The following ETV6 variants were observed in gnomAD, a reference collection of about 807,000 sequenced individuals.
ETV6 encodes the protein ETS variant transcription factor 6.
Under a neutral mutation model 51.1 loss-of-function variants are expected in ETV6, and 16 were observed. The observed-to-expected ratio is 0.31, with a 90% CI of 0.21 to 0.48. The LOEUF (loss-of-function observed/expected upper bound fraction) is 0.48. Among genes scored for constraint, ETV6 ranks in the 20% least tolerant of loss-of-function variants. The pLI is 0.99. For synonymous variants in ETV6, 240 were observed against 224.1 expected (o/e 1.07, Z -0.64); for missense variants, 458 against 594.8 (o/e 0.77, Z 2.39).
intron 2 of ETV6, among the ~76,000 whole-genome samples, chr12:11,810,611 C>G (rs1035468171): frequency 2.0e-4 from 31 of 152,168 alleles, no homozygotes; most frequent in African/African-American, 7.0e-4. Flanking sequence ...TTGGCAAAAT[C>G]CAATCTAAAA....
At chr12:11,829,691 G>GA (rs1270299683) in intron 2 of ETV6, among the ~76,000 whole-genome samples, 1 of 152,128 alleles carries the variant, frequency 6.6e-6, no homozygotes. Context: ...AAGTTTATAA[G>GA]AAAAAACATC....
chr12:11,869,565 G>C lies in ETV6; in HGVS notation c.605G>C (p.Arg202Pro), dbSNP rs200351280. 1.2e-6 allele frequency: 2 copies of C among 1,614,058 alleles called. No homozygotes were observed. Among genetic ancestry groups the C allele is most frequent in the Non-Finnish European group, 1.7e-6 (2 of 1,180,006 alleles). ...PSPDPEQRPL[R>P]SPLDNMIRRL... ...CCTGACCCCGAGCAGCGGCCCCTCCGGTCCCCCCTGGACAACATGATCCGC... is the reference window on the plus strand; with the variant it reads ...CCTGACCCCGAGCAGCGGCCCCTCCCGTCCCCCCTGGACAACATGATCCGC... Residue 202 changes from arginine (R) to proline (P), a missense_variant, in exon 5 of 8, where the codon CGG becomes CCG. Transcript: ENST00000396373. The surrounding 1 kb of genome is among the most constrained non-coding windows in gnomAD (Gnocchi z 5.0).
At chr12:11,710,663 T>C (rs968419706) in intron 1 of ETV6, among the ~76,000 whole-genome samples, 1 of 152,222 alleles carries the variant, frequency 6.6e-6, no homozygotes, top group Admixed American at 6.5e-5. Flanking sequence ...GCCTATTGCC[T>C]TGGGGCCCTG....
intron 1 of ETV6, among the ~76,000 whole-genome samples, chr12:11,704,666 A>C (rs1204324669): frequency 3.3e-5 from 5 of 152,172 alleles, no homozygotes; most frequent in Non-Finnish European, 1.5e-5. Context: ...TTCTTTTAAA[A>C]AATAAATTTT....
chr12:11,884,294 C>G, intron 5 of ETV6, 151 bp from the exon 6 acceptor site: 1 of 868,512 alleles, frequency 1.2e-6, no homozygotes, highest in Non-Finnish European at 1.8e-6. Context: ...TCTGGGCCTC[C>G]GTTTCTTCCC....
intron 1 of ETV6, among the ~76,000 whole-genome samples, chr12:11,651,764 A>G (rs1863911047): frequency 6.6e-6 from 1 of 152,242 alleles, no homozygotes; most frequent in African/African-American, 2.4e-5. Context: ...CAATAAATAA[A>G]TTGTATTTGG....
intron 1 of ETV6, among the ~76,000 whole-genome samples, chr12:11,727,526 A>G (rs1180149486): frequency 2.0e-5 from 3 of 152,208 alleles, no homozygotes; most frequent in African/African-American, 7.2e-5. Flanking sequence ...TAATCATCCT[A>G]AAGAAAGACT....
rs1364992562 is a variant in ETV6 at position 11,874,025 on chromosome 12, A to G, written c.1009+4056A>G. 6.3e-5 allele frequency among the ~76,000 whole-genome samples: 7 copies of G among 111,944 alleles called. 2 individuals are homozygous for G. The highest frequency in any genetic ancestry group is 2.4e-4 in the African/African-American group (7 of 28,900). 73.4% of individuals were successfully genotyped at this position (111,944 alleles called of 152,430 possible). A position where few individuals can be genotyped will look rare whatever the true frequency, so the allele number is the denominator to read the frequency against. On this transcript the variant is annotated intron_variant, in intron 5 of 7. Transcript: ENST00000396373. ...AGATAAGGCTCGGTGTATTTTTTCT[A>G]TTTCAGGTAGAAATGTAAATCTACA...
At chr12:11,684,436 G>A (rs1032697027) in intron 1 of ETV6, among the ~76,000 whole-genome samples, 10 of 152,100 alleles carry the variant, frequency 6.6e-5, no homozygotes, top group Non-Finnish European at 1.5e-5. Context: ...TTAAATAGAT[G>A]GAATATTACC....
rs1250315227 is a variant in ETV6, at chr12:11,848,613, T to C, written c.329-4814T>C. On this transcript the variant is annotated intron_variant, in intron 3 of 7. Coordinates refer to ENST00000396373, the MANE Select transcript of ETV6 (RefSeq NM_001987.5). ...ACTGTGTTTTGTTTCTGTGTGTGCG[T>C]GTGTGTGCGCACGCGCGTGTGCATG... is the stretch of plus-strand genomic sequence containing the variant. 3.3e-5 allele frequency among the ~76,000 whole-genome samples: 5 copies of C among 152,334 alleles called. No homozygotes were observed. In the East Asian group the frequency reaches 9.6e-4, roughly 29 times the overall value.
rs764589630 is a variant in ETV6 at position 11,796,766 on chromosome 12, C to CT, written c.164-42360dup. 9.3e-3 allele frequency among the ~76,000 whole-genome samples: 1,340 copies of CT among 143,478 alleles called. 9 individuals carry two copies. Among genetic ancestry groups the CT allele is most frequent in the Middle Eastern group, 0.025 (7 of 278 alleles). 94.1% of individuals were successfully genotyped at this position (143,478 alleles called of 152,430 possible). A position where few individuals can be genotyped will look rare whatever the true frequency, so the allele number is the denominator to read the frequency against. On this transcript the variant is annotated intron_variant, in intron 2 of 7. Transcript: ENST00000396373. ...CACTAAGGGATAATTTCTTCCTTTT[C>CT]TTTTTTTTTTTTTTGTGTGTGTGTG...
Position 11,893,389 on chromosome 12 carries a change from T to C in ETV6, c.*2343T>C, listed in dbSNP as rs146656971. 485 of 232,130 alleles carry C rather than the reference T, an allele frequency of 2.1e-3. 3 individuals carry two copies. Among genetic ancestry groups the C allele is most frequent in the African/African-American group, 0.01 (465 of 45,388 alleles). The allele number at this position is 232,130 out of a possible 1,614,324, so 14.4% of individuals were successfully genotyped here. A position where few individuals can be genotyped will look rare whatever the true frequency, so the allele number is the denominator to read the frequency against. On this transcript the variant is annotated 3_prime_UTR_variant, in exon 8 of 8. Coordinates refer to ENST00000396373, the MANE Select transcript of ETV6 (RefSeq NM_001987.5). ...TTAACAGTTGAATTATGGAGGGAAA[T>C]TCCCTTTTGCCCCAAGCATTTCTAT...
intron 2 of ETV6, among the ~76,000 whole-genome samples, chr12:11,832,624 A>G (rs1260831475): frequency 6.6e-6 from 1 of 152,240 alleles, no homozygotes; most frequent in African/African-American, 2.4e-5. Context: ...CGAGTGGAAG[A>G]CATTATCACT....
intron 7 of ETV6, among the ~76,000 whole-genome samples, chr12:11,887,185 TG>T (rs1353755949): frequency 6.6e-6 from 1 of 152,212 alleles, no homozygotes; most frequent in Non-Finnish European, 1.5e-5. Context: ...CTCTACCGTA[TG>T]GCTTTTCTTC....
intron 5 of ETV6, among the ~76,000 whole-genome samples, chr12:11,870,587 T>G (rs1451276262): frequency 6.6e-6 from 1 of 152,220 alleles, no homozygotes; most frequent in Non-Finnish European, 1.5e-5. Flanking sequence ...ATTGTCTGTT[T>G]CCTAGGATGC....
At chr12:11,772,079 C>G (rs1945249086) in intron 2 of ETV6, among the ~76,000 whole-genome samples, 1 of 152,148 alleles carries the variant, frequency 6.6e-6, no homozygotes, top group South Asian at 2.1e-4. Flanking sequence ...CCTACACCAT[C>G]AAAGGTATGA....
intron 1 of ETV6, among the ~76,000 whole-genome samples, chr12:11,657,326 G>A (rs1392751281): frequency 6.6e-6 from 1 of 152,140 alleles, no homozygotes; most frequent in Non-Finnish European, 1.5e-5. Context: ...TAACACCATA[G>A]CAGAGGAAAA....
chr12:11,781,038 A>G (rs1288289537), intron 2 of ETV6, among the ~76,000 whole-genome samples: 2 of 152,144 alleles, frequency 1.3e-5, no homozygotes, highest in Non-Finnish European at 2.9e-5. Flanking sequence ...TTTGTTTCCT[A>G]ATTCTGTTTG....
chr12:11,711,590 A>C (rs1379272380), intron 1 of ETV6, among the ~76,000 whole-genome samples: 1 of 152,216 alleles, frequency 6.6e-6, no homozygotes, highest in Non-Finnish European at 1.5e-5. Flanking sequence ...AAAAGAGAAC[A>C]TTGTGTGCCA....
Sources: gnomAD v4.1 joint callset for allele counts (sites outside exome capture counted in the v4.1 genomes callset) on GRCh38, gnomAD v4.1.1 for gene constraint, Gnocchi (gnomAD v3.1) non-coding constraint, MANE v1.5 for transcripts, NCBI Gene and HGNC (gene_info 2026-07-23, HGNC 2026-07-21) for gene names.